SLCO1C1: variants seen among roughly 807,000 people sequenced by gnomAD.
SLCO1C1 encodes the protein solute carrier organic anion transporter family member 1C1.
SLCO1C1 carries 70 observed loss-of-function variants against 76.4 expected under a neutral mutation model. The observed-to-expected ratio is 0.92, with a 90% confidence interval of 0.76 to 1.12. The LOEUF is 1.12. Among genes scored for constraint, SLCO1C1 ranks in the 50% most tolerant of loss-of-function variants. The pLI is 0.00. For synonymous variants in SLCO1C1, 306 were observed against 286.1 expected (o/e 1.07, Z -0.70); for missense variants, 912 against 823.8 (o/e 1.11, Z -1.31).
intron 7 of SLCO1C1, among the ~76,000 whole-genome samples, chr12:20,719,019 GCACTATTTTT>G (rs1177873540): frequency 7.2e-5 from 11 of 151,762 alleles, no homozygotes; most frequent in African/African-American, 2.7e-4. Flanking sequence ...AAGTCTATAG[GCACTATTTTT>G]CCGATAGCAT....
chr12:20,720,147 C>T (rs1314397734), intron 7 of SLCO1C1, among the ~76,000 whole-genome samples: 1 of 152,136 alleles, frequency 6.6e-6, no homozygotes, highest in Non-Finnish European at 1.5e-5. Flanking sequence ...CTTTTTGCAG[C>T]ATGGTTTACT....
intron 2 of SLCO1C1, among the ~76,000 whole-genome samples, chr12:20,700,935 T>C (rs989422290): frequency 1.3e-5 from 2 of 152,040 alleles, no homozygotes; most frequent in Non-Finnish European, 1.5e-5. Flanking sequence ...GGACTTGTTA[T>C]AGGATGTCAA....
Position 20,750,601 on chromosome 12 carries a change from T to C in SLCO1C1, c.1799-74T>C, listed in dbSNP as rs934926096. On this transcript the variant is annotated intron_variant, in intron 13 of 14. Coordinates refer to ENST00000266509, the MANE Select transcript of SLCO1C1 (RefSeq NM_017435.5). ...AAAACAGTAATTAGATTAAAGTAAG[T>C]GGTTTCAGATAATCGTTCATAGACA... The C allele has an allele frequency of 2.3e-6, 3 of 1,325,846 alleles. No homozygotes were observed. In the Admixed American group the frequency reaches 5.3e-5, roughly 23 times the overall value. The allele number at this position is 1,325,846 out of a possible 1,614,324, so 82.1% of individuals were successfully genotyped here. A position where few individuals can be genotyped will look rare whatever the true frequency, so the allele number is the denominator to read the frequency against.
At chr12:20,706,871 G>T (rs1946805018) in intron 4 of SLCO1C1, among the ~76,000 whole-genome samples, 1 of 152,102 alleles carries the variant, frequency 6.6e-6, no homozygotes, top group African/African-American at 2.4e-5. Context: ...GCTGATAAAA[G>T]AAATGACTAC....
chr12:20,714,352 A>G (rs1024480740), intron 5 of SLCO1C1, among the ~76,000 whole-genome samples: 2 of 152,184 alleles, frequency 1.3e-5, no homozygotes, highest in African/African-American at 2.4e-5. Flanking sequence ...TAACATTATC[A>G]ATTTTATTAA....
At chr12:20,732,766 C>G in intron 9 of SLCO1C1, 143 bp from the exon 10 acceptor site, 1 of 829,662 alleles carries the variant, frequency 1.2e-6, no homozygotes. Flanking sequence ...AGATACTCAT[C>G]ATACACTCTT....
At chr12:20,711,652 T>C (rs535879019) in intron 5 of SLCO1C1, 142 bp downstream of exon 5, 1 of 800,522 alleles carries the variant, frequency 1.2e-6, no homozygotes, top group African/African-American at 1.8e-5. Context: ...CCATAAAAAT[T>C]CCTAGAATAT....
At chr12:20,725,324 ATAG>A (rs1947923977) in intron 9 of SLCO1C1, among the ~76,000 whole-genome samples, 1 of 136,882 alleles carries the variant, frequency 7.3e-6, no homozygotes, top group East Asian at 2.0e-4. Flanking sequence ...ACACTATAAG[ATAG>A]TATTATATGC....
chr12:20,740,510 T>C lies in SLCO1C1; in HGVS notation c.1733+142T>C. On this transcript the variant is annotated intron_variant, in intron 12 of 14. Coordinates refer to ENST00000266509, the MANE Select transcript of SLCO1C1 (RefSeq NM_017435.5). ...CCCACATCCTTGTTTCACTTTTATA[T>C]ATATCGCACTTTGGGTATTTATACA... is the stretch of plus-strand genomic sequence containing the variant. 1.1e-5 allele frequency: 8 copies of C among 703,324 alleles called. No individual in the cohort carries two copies. The South Asian group carries it at 1.5e-4, about 13-fold the overall frequency. The allele number at this position is 703,324 out of a possible 1,614,324, so 43.6% of individuals were successfully genotyped here.
Position 20,732,963 on chromosome 12 carries a change from T to C in SLCO1C1, c.1241T>C (p.Met414Thr), listed in dbSNP as rs1948362294. Residue 414 changes from methionine (M) to threonine (T), a missense_variant, in exon 10 of 15, where the codon ATG (methionine) becomes ACG (threonine). By Grantham distance (81) the Met-to-Thr change is moderately conservative (BLOSUM62 -1). Coordinates refer to ENST00000266509, the MANE Select transcript of SLCO1C1 (RefSeq NM_017435.5). ...ALGIFSGGIV[M>T]KKFRISVCGA... The stretch of plus-strand genomic sequence containing the variant: ...GGAATATTCTCTGGGGGGATAGTTA[T>C]GAAAAAATTCAGAATCAGTGTGTGT... The C allele has an allele frequency of 6.2e-7, 1 of 1,613,952 alleles. No homozygotes were observed. Among genetic ancestry groups the C allele is most frequent in the African/African-American group, 1.3e-5 (1 of 74,918 alleles).
intron 11 of SLCO1C1, among the ~76,000 whole-genome samples, chr12:20,737,649 T>A (rs764186562): frequency 2.0e-5 from 3 of 152,154 alleles, no homozygotes; most frequent in Non-Finnish European, 2.9e-5. Flanking sequence ...TTTTAGGGAA[T>A]GAACAAATAG....
rs574576754 is a variant in SLCO1C1 at position 20,711,084 on chromosome 12, A to G, written c.405-302A>G. 1.9e-4 allele frequency among the ~76,000 whole-genome samples: 29 copies of G among 152,340 alleles called. No homozygotes were observed. The Middle Eastern group carries it at 0.01, about 54-fold the overall frequency. ...TGATGAGCTAAAAAAAATTGCAAAAAGAAATTCATTATGTTTTTAGAAAGT... is the reference window on the plus strand; with the variant it reads ...TGATGAGCTAAAAAAAATTGCAAAAGGAAATTCATTATGTTTTTAGAAAGT... On this transcript the variant is annotated intron_variant, in intron 4 of 14. Transcript: ENST00000266509.
In SLCO1C1 at chr12:20,752,431, G is replaced by A. The variant is rs1360931550; in HGVS notation, c.2042G>A (p.Arg681Lys). The A allele has an allele frequency of 6.2e-7, 1 of 1,613,308 alleles. No homozygotes were observed. The highest frequency in any genetic ancestry group is 8.5e-7 in the Non-Finnish European group (1 of 1,179,606). ...KHRSFITKRE[R>K]TMVSTRFQKE... is the part of the protein sequence containing the mutation. ...AGAAGTTTTATAACCAAGAGAGAAAGAACAATGGTGTCTACAAGATTCCAA... is the reference window on the plus strand; with the variant it reads ...AGAAGTTTTATAACCAAGAGAGAAAAAACAATGGTGTCTACAAGATTCCAA... Residue 681 changes from arginine to lysine, a missense_variant, in exon 15 of 15, where the codon AGA (arginine) becomes AAA (lysine). Transcript: ENST00000266509.
chr12:20,722,837 C>T (rs1403687481), intron 8 of SLCO1C1, among the ~76,000 whole-genome samples: 1 of 152,172 alleles, frequency 6.6e-6, no homozygotes, highest in African/African-American at 2.4e-5. Flanking sequence ...TTGTCTGACT[C>T]CTACCTTTAA....
chr12:20,709,305 T>G (rs1280574484), intron 4 of SLCO1C1, among the ~76,000 whole-genome samples: 1 of 152,176 alleles, frequency 6.6e-6, no homozygotes, highest in African/African-American at 2.4e-5. Context: ...AAACGTTAAT[T>G]TTTTTAGAGT....
rs773877924 is a variant in SLCO1C1 at position 20,737,103 on chromosome 12, T to A, written c.1383-4T>A. ...ATATTTTATATTGTTATATTTCTTT[T>A]CAGAACCAAACCTGTCTCTTATCAT... On this transcript the variant is annotated splice_polypyrimidine_tract_variant and splice_region_variant and intron_variant, in intron 10 of 14. Coordinates refer to ENST00000266509, the MANE Select transcript of SLCO1C1 (RefSeq NM_017435.5). 2.9e-5 allele frequency: 43 copies of A among 1,504,338 alleles called. No homozygotes were observed. In the East Asian group the frequency reaches 3.4e-4, roughly 12 times the overall value. The allele number at this position is 1,504,338 out of a possible 1,614,324, so 93.2% of individuals were successfully genotyped here.
intron 9 of SLCO1C1, 59 bp from the exon 10 acceptor site, chr12:20,732,850 T>C (rs1230176147): frequency 2.6e-6 from 4 of 1,566,888 alleles, no homozygotes; most frequent in East Asian, 2.3e-5. Flanking sequence ...AAGTTTGTGT[T>C]AGTACACTCA....
chr12:20,743,808 A>G (rs1020284290), intron 13 of SLCO1C1, among the ~76,000 whole-genome samples: 1 of 152,048 alleles, frequency 6.6e-6, no homozygotes, highest in African/African-American at 2.4e-5. Flanking sequence ...TTAGGTAGAA[A>G]AATAAGGTAT....
At position 20,721,873 on chromosome 12, in the gene SLCO1C1, G is replaced by C; in HGVS notation, c.845G>C (p.Gly282Ala). 6.2e-7 allele frequency: 1 copy of C among 1,614,128 alleles called. No homozygotes were observed. Among genetic ancestry groups the C allele is most frequent in the Non-Finnish European group, 8.5e-7 (1 of 1,180,018 alleles). Residue 282 changes from glycine to alanine, a missense_variant, in exon 8 of 15, where the codon GGA becomes GCA. By Grantham distance (60) the Gly-to-Ala change is moderately conservative. Coordinates refer to ENST00000266509, the MANE Select transcript of SLCO1C1 (RefSeq NM_017435.5). ...TGGTGGCTTGGCTATCTAATAGCAG[G>C]AATCATAAGTCTTCTTGCAGCTGTG... The part of the protein sequence containing the change: ...GAWWLGYLIA[G>A]IISLLAAVPF...
Sources: allele counts gnomAD v4.1 joint callset (sites outside exome capture counted in the v4.1 genomes callset), GRCh38; gene constraint gnomAD v4.1.1; transcripts MANE v1.5; gene names NCBI Gene and HGNC (gene_info 2026-07-23, HGNC 2026-07-21).